PRSS23: variants seen among roughly 807,000 people sequenced by gnomAD.
PRSS23 encodes protease, serine 23.
In PRSS23, 25 loss-of-function variants were observed where a neutral mutation model predicts 34.7. That is an observed-to-expected ratio of 0.72 (90% CI 0.53 to 1.01). The LOEUF is 1.01. Among genes scored for constraint, PRSS23 ranks in the 50% least tolerant of loss-of-function variants. The probability of loss-of-function intolerance (pLI) is 0.00; values close to 1 mark genes in which losing one functional copy is unlikely to be tolerated. For synonymous variants in PRSS23, 176 were observed against 186.6 expected (o/e 0.94, Z 0.46); for missense variants, 445 against 475.6 (o/e 0.94, Z 0.60).
intron 2 of PRSS23, among the ~76,000 whole-genome samples, chr11:86,903,481 CTT>C (rs10688682): frequency 3.2e-4 from 40 of 124,914 alleles, no homozygotes; most frequent in South Asian, 1.9e-3. Flanking sequence ...AACATACAAT[CTT>C]TTTTTTTTTT....
intron 2 of PRSS23, among the ~76,000 whole-genome samples, chr11:86,897,588 T>G (rs1259731921): frequency 1.3e-5 from 2 of 152,142 alleles, no homozygotes; most frequent in East Asian, 3.9e-4. Flanking sequence ...TCCTCCTGCC[T>G]CAGCCTCCTG....
intron 1 of PRSS23, among the ~76,000 whole-genome samples, chr11:86,816,789 A>G (rs1948217885): frequency 1.3e-5 from 2 of 152,232 alleles, no homozygotes; most frequent in African/African-American, 4.8e-5. Context: ...TTGGTTGAGT[A>G]TAACATAATA....
chr11:86,879,832 G>C (rs1590909999), intron 2 of PRSS23, among the ~76,000 whole-genome samples: 1 of 106,588 alleles, frequency 9.4e-6, no homozygotes. Context: ...GGGGGGGTCA[G>C]CCCCCCGCCC....
At chr11:86,802,625 T>G (rs1397148778) in intron 1 of PRSS23, among the ~76,000 whole-genome samples, 1 of 152,228 alleles carries the variant, frequency 6.6e-6, no homozygotes, top group Non-Finnish European at 1.5e-5. Flanking sequence ...TTTCTTTCTG[T>G]CATTACTGTT....
intron 2 of PRSS23, among the ~76,000 whole-genome samples, chr11:86,844,284 G>C (rs762643028): frequency 6.6e-6 from 1 of 152,132 alleles, no homozygotes; most frequent in Admixed American, 6.5e-5. Context: ...CTGGGAGAGG[G>C]ATAGCATTAG....
chr11:86,923,385 C>A (rs1330604549), intron 2 of PRSS23, among the ~76,000 whole-genome samples: 2 of 152,154 alleles, frequency 1.3e-5, no homozygotes, highest in Non-Finnish European at 2.9e-5. Flanking sequence ...TCCCAAATTG[C>A]TGGGATTACC....
At chr11:86,879,479 C>T (rs1948753572) in intron 2 of PRSS23, among the ~76,000 whole-genome samples, 1 of 128,304 alleles carries the variant, frequency 7.8e-6, no homozygotes, top group African/African-American at 2.9e-5. Flanking sequence ...AGGCCAGCCG[C>T]CCCGTCCGGG....
intron 2 of PRSS23, among the ~76,000 whole-genome samples, chr11:86,942,302 A>T (rs1376609568): frequency 6.6e-6 from 1 of 152,262 alleles, no homozygotes; most frequent in Non-Finnish European, 1.5e-5. Context: ...TCCAGGCAAA[A>T]GGAAACAACG....
intron 2 of PRSS23, among the ~76,000 whole-genome samples, chr11:86,913,913 A>G (rs1948994447): frequency 6.6e-6 from 1 of 151,294 alleles, no homozygotes; most frequent in Non-Finnish European, 1.5e-5. Context: ...CACTGAGACT[A>G]GAAAGTTGTG....
intron 2 of PRSS23, among the ~76,000 whole-genome samples, chr11:86,924,094 G>A (rs1308413890): frequency 6.6e-6 from 1 of 152,174 alleles, no homozygotes; most frequent in Non-Finnish European, 1.5e-5. Flanking sequence ...AGGTAAGATC[G>A]AGAGCCGGAA....
At chr11:86,875,653 T>A (rs1948718332) in intron 2 of PRSS23, among the ~76,000 whole-genome samples, 1 of 152,236 alleles carries the variant, frequency 6.6e-6, no homozygotes, top group Non-Finnish European at 1.5e-5. Flanking sequence ...ATTAAAAATT[T>A]AAGCAACTGC....
At chr11:86,803,792 C>T (rs1175135393) in intron 1 of PRSS23, among the ~76,000 whole-genome samples, 1 of 152,168 alleles carries the variant, frequency 6.6e-6, no homozygotes, top group Admixed American at 6.5e-5. Flanking sequence ...TAGGTTTTCC[C>T]TCCCAGCACT....
chr11:86,897,952 G>A (rs753205764), intron 2 of PRSS23, among the ~76,000 whole-genome samples: 17 of 152,188 alleles, frequency 1.1e-4, no homozygotes, highest in Non-Finnish European at 2.1e-4. Flanking sequence ...TGTCCTCAAG[G>A]AGCTCTCCCT....
At chr11:86,859,659 G>A (rs545801853) in intron 2 of PRSS23, among the ~76,000 whole-genome samples, 14 of 151,972 alleles carry the variant, frequency 9.2e-5, no homozygotes, top group African/African-American at 3.4e-4. Flanking sequence ...AGTATCCAGA[G>A]GGCAAAAAGA....
chr11:86,825,261 G>A (rs1948290310), intron 2 of PRSS23, among the ~76,000 whole-genome samples: 1 of 151,848 alleles, frequency 6.6e-6, no homozygotes, highest in Admixed American at 6.6e-5. Context: ...TGTGTCTTTT[G>A]GCTGCATAAA....
intron 2 of PRSS23, among the ~76,000 whole-genome samples, chr11:86,925,860 A>G (rs921116298): frequency 1.3e-5 from 2 of 152,292 alleles, no homozygotes; most frequent in Admixed American, 6.5e-5. Context: ...TTTTCATAGC[A>G]AATGTGCTAC....
intron 2 of PRSS23, among the ~76,000 whole-genome samples, chr11:86,881,526 C>G (rs1227488823): frequency 1.3e-5 from 2 of 151,966 alleles, no homozygotes; most frequent in African/African-American, 4.8e-5. Flanking sequence ...GATTTTGCAC[C>G]TACATTCATA....
chr11:86,889,617 TC>T (rs1391295896), intron 2 of PRSS23, among the ~76,000 whole-genome samples: 2 of 152,054 alleles, frequency 1.3e-5, no homozygotes, highest in African/African-American at 4.8e-5. Flanking sequence ...CCTAATCAGC[TC>T]CTAAAGGCCA....
At chr11:86,833,346 C>G in intron 2 of PRSS23, 3 of 933,696 alleles carry the variant, frequency 3.2e-6, no homozygotes, top group Non-Finnish European at 5.2e-6. Flanking sequence ...TCTCCAGCAC[C>G]ATGACTAGGT....
Sources: gnomAD v4.1 joint callset for allele counts (sites outside exome capture counted in the v4.1 genomes callset) on GRCh38, gnomAD v4.1.1 for gene constraint, MANE v1.5 for transcripts, NCBI Gene and HGNC (gene_info 2026-07-23, HGNC 2026-07-21) for gene names.